COMMD10: variants seen among roughly 807,000 people sequenced by gnomAD.
COMMD10 encodes COMM domain-containing protein 10.
In COMMD10, 33 loss-of-function variants were observed where a neutral mutation model predicts 28.9. The ratio of observed to expected loss-of-function variants is 1.14; its 90% CI spans 0.87 to 1.53. The LOEUF is 1.53. Ranked by LOEUF, COMMD10 falls within the 40% of genes most tolerant of loss-of-function variation. The pLI is 0.00. For synonymous variants in COMMD10, 110 were observed against 81.7 expected (o/e 1.35, Z -1.87); for missense variants, 310 against 233.4 (o/e 1.33, Z -2.14).
intron 5 of COMMD10, among the ~76,000 whole-genome samples, chr5:116,268,150 G>C (rs1256554902): frequency 3.9e-5 from 6 of 152,010 alleles, no homozygotes; most frequent in Admixed American, 1.3e-4. Flanking sequence ...ACTACCATTA[G>C]AATGAACAGG....
At chr5:116,186,685 T>A (rs189947597) in intron 5 of COMMD10, among the ~76,000 whole-genome samples, 32 of 152,270 alleles carry the variant, frequency 2.1e-4, no homozygotes, top group African/African-American at 6.5e-4. Context: ...ATCCCACTGG[T>A]TATAGGACTG....
chr5:116,128,254 C>G (rs1224654287), intron 4 of COMMD10, among the ~76,000 whole-genome samples: 2 of 151,970 alleles, frequency 1.3e-5, no homozygotes, highest in African/African-American at 4.8e-5. Flanking sequence ...TTTGAGGTGA[C>G]ATTTTAGTAA....
chr5:116,121,542 T>C (rs890612992), intron 4 of COMMD10, among the ~76,000 whole-genome samples: 1 of 152,202 alleles, frequency 6.6e-6, no homozygotes, highest in Non-Finnish European at 1.5e-5. Flanking sequence ...TTCTAGATCC[T>C]TGAGGAATCG....
intron 5 of COMMD10, among the ~76,000 whole-genome samples, chr5:116,173,801 T>C (rs1753413994): frequency 7.4e-6 from 1 of 136,036 alleles, no homozygotes; most frequent in Non-Finnish European, 1.7e-5. Context: ...GTTAATCCAT[T>C]TTTTTTCCAA....
At chr5:116,262,679 G>T (rs540766698) in intron 5 of COMMD10, among the ~76,000 whole-genome samples, 17 of 151,822 alleles carry the variant, frequency 1.1e-4, no homozygotes, top group Non-Finnish European at 1.2e-4. Context: ...GAAGTGAGCT[G>T]CAGATACAAT....
intron 5 of COMMD10, among the ~76,000 whole-genome samples, chr5:116,236,129 G>T (rs1749654319): frequency 6.8e-6 from 1 of 148,124 alleles, no homozygotes; most frequent in South Asian, 2.1e-4. Flanking sequence ...GATAACCTTG[G>T]GTATGGAAGC....
intron 5 of COMMD10, among the ~76,000 whole-genome samples, chr5:116,144,979 G>C (rs1752298915): frequency 1.3e-5 from 2 of 151,846 alleles, no homozygotes; most frequent in Admixed American, 1.3e-4. Flanking sequence ...GTGAGATTCA[G>C]AGCACAAACG....
At chr5:116,287,086 A>G (rs1751236953) in intron 5 of COMMD10, among the ~76,000 whole-genome samples, 1 of 151,778 alleles carries the variant, frequency 6.6e-6, no homozygotes, top group South Asian at 2.1e-4. Context: ...TTGCATCTTT[A>G]AGCAAAACAA....
chr5:116,178,794 T>A (rs1747844246), intron 5 of COMMD10, among the ~76,000 whole-genome samples: 2 of 152,146 alleles, frequency 1.3e-5, no homozygotes, highest in Admixed American at 1.3e-4. Context: ...ATGCCCTGAT[T>A]TATTCTCAGA....
chr5:116,112,582 G>C (rs190672913), intron 4 of COMMD10, among the ~76,000 whole-genome samples: 1 of 152,120 alleles, frequency 6.6e-6, no homozygotes, highest in African/African-American at 2.4e-5. Context: ...TGTACTTTAA[G>C]TAGAGACTGT....
chr5:116,105,111 T>C (rs938103717), intron 4 of COMMD10, among the ~76,000 whole-genome samples: 3 of 152,222 alleles, frequency 2.0e-5, no homozygotes, highest in Non-Finnish European at 2.9e-5. Context: ...ATAGCTCTTA[T>C]TATTTTGAGA....
chr5:116,170,733 G>T (rs956000402), intron 5 of COMMD10, among the ~76,000 whole-genome samples: 4 of 152,096 alleles, frequency 2.6e-5, no homozygotes, highest in African/African-American at 9.7e-5. Context: ...CAAGGAATGG[G>T]GAAAGGGTAT....
At chr5:116,180,099 C>A (rs539427140) in intron 5 of COMMD10, among the ~76,000 whole-genome samples, 1 of 152,022 alleles carries the variant, frequency 6.6e-6, no homozygotes, top group Non-Finnish European at 1.5e-5. Context: ...TGAGAGCTTT[C>A]CATATCTTTG....
intron 5 of COMMD10, among the ~76,000 whole-genome samples, chr5:116,283,229 TAAAAC>T (rs1751121866): frequency 6.6e-6 from 1 of 151,882 alleles, no homozygotes; most frequent in Non-Finnish European, 1.5e-5. Context: ...ATGACAGCAA[TAAAAC>T]AAAAACTCTA....
intron 5 of COMMD10, among the ~76,000 whole-genome samples, chr5:116,148,836 G>GT (rs1054209368): frequency 6.7e-6 from 1 of 149,004 alleles, no homozygotes; most frequent in African/African-American, 2.6e-5. Flanking sequence ...ATTTGTATTT[G>GT]TTTTTTTGTA....
chr5:116,170,182 T>C (rs895855605), intron 5 of COMMD10, among the ~76,000 whole-genome samples: 2 of 152,136 alleles, frequency 1.3e-5, no homozygotes, highest in African/African-American at 4.8e-5. Flanking sequence ...CAAGCATTCC[T>C]ATACACCAAT....
chr5:116,149,617 C>T (rs1040730514), intron 5 of COMMD10, among the ~76,000 whole-genome samples: 7 of 151,296 alleles, frequency 4.6e-5, no homozygotes, highest in Non-Finnish European at 8.8e-5. Context: ...TGATGGTGAG[C>T]ATTTTTTCAT....
chr5:116,224,569 C>T (rs563964647), intron 5 of COMMD10, among the ~76,000 whole-genome samples: 8 of 152,276 alleles, frequency 5.3e-5, no homozygotes, highest in Admixed American at 2.0e-4. Flanking sequence ...TCCGGGGCCG[C>T]GGTGCCGCAC....
chr5:116,150,654 T>C (rs1178556162), intron 5 of COMMD10, among the ~76,000 whole-genome samples: 2 of 143,802 alleles, frequency 1.4e-5, no homozygotes, highest in Non-Finnish European at 3.0e-5. Context: ...TTTGGCTCTC[T>C]GTTTGTCTGT....
Sources: gnomAD v4.1 joint callset for allele counts (sites outside exome capture counted in the v4.1 genomes callset) on GRCh38, gnomAD v4.1.1 for gene constraint, MANE v1.5 for transcripts, NCBI Gene and HGNC (gene_info 2026-07-23, HGNC 2026-07-21) for gene names.